Variants in MREG observed in about 807,000 individuals in gnomAD.
The protein encoded by MREG is melanoregulin.
In MREG, 31 loss-of-function variants were observed where a neutral mutation model predicts 28.5. The ratio of observed to expected loss-of-function variants is 1.09; its 90% confidence interval spans 0.82 to 1.47. MREG has a LOEUF of 1.47. MREG is among the 40% of genes most tolerant of loss of function. MREG has a pLI of 0.00. For missense variants in MREG, 256 were observed against 257.4 expected (o/e 0.99, Z 0.04); for synonymous variants, 106 against 95.2 (o/e 1.11, Z -0.66).
At chr2:215,954,507 C>T (rs1016178756) in intron 2 of MREG, among the ~76,000 whole-genome samples, 10 of 140,442 alleles carry the variant, frequency 7.1e-5, no homozygotes, top group Non-Finnish European at 1.4e-4. Context: ...GAGTATTGCT[C>T]AAATGTTATA....
chr2:216,004,450 A>G (rs1366533971), intron 1 of MREG, among the ~76,000 whole-genome samples: 1 of 152,120 alleles, frequency 6.6e-6, no homozygotes, highest in Non-Finnish European at 1.5e-5. Context: ...AGTGCCTAAC[A>G]GGAGAATCAC....
intron 1 of MREG, among the ~76,000 whole-genome samples, chr2:216,000,625 G>T (rs1693992413): frequency 6.6e-6 from 1 of 152,154 alleles, no homozygotes; most frequent in Non-Finnish European, 1.5e-5. Flanking sequence ...TTCCTCTAGG[G>T]CAGGGGTTGT....
intron 1 of MREG, among the ~76,000 whole-genome samples, chr2:216,005,704 C>T (rs560924977): frequency 1.1e-4 from 16 of 152,056 alleles, no homozygotes; most frequent in African/African-American, 3.1e-4. Flanking sequence ...GCACCTGCCT[C>T]GGCCTCCCAA....
intron 2 of MREG, among the ~76,000 whole-genome samples, chr2:215,977,751 G>A (rs1254405298): frequency 1.3e-5 from 2 of 152,142 alleles, no homozygotes; most frequent in South Asian, 2.1e-4. Context: ...CAACTACATG[G>A]AAACTGAACA....
chr2:215,964,345 A>G (rs1392085964), intron 2 of MREG, among the ~76,000 whole-genome samples: 1 of 152,096 alleles, frequency 6.6e-6, no homozygotes, highest in East Asian at 1.9e-4. Flanking sequence ...TTAGCTTGGC[A>G]TGGAGGCACA....
intron 2 of MREG, among the ~76,000 whole-genome samples, chr2:215,960,792 C>A (rs1692762109): frequency 6.6e-6 from 1 of 151,982 alleles, no homozygotes; most frequent in African/African-American, 2.4e-5. Context: ...TGAGATCGGG[C>A]CACTGCACTC....
At chr2:215,956,653 T>A (rs2105975301) in intron 2 of MREG, among the ~76,000 whole-genome samples, 1 of 152,230 alleles carries the variant, frequency 6.6e-6, no homozygotes, top group South Asian at 2.1e-4. Context: ...ATCCTCCTGC[T>A]TCAGCCTCCC....
In MREG at chr2:215,944,887, G is replaced by A; in HGVS notation, c.621C>T (p.His207=). ...PCLADGQKEL[H]YLPFPSP The stretch of plus-strand genomic sequence containing the variant: ...TTTAGGGACTTGGAAACGGAAGGTA[G>A]TGCAGTTCTTTCTGGCCATCTGCCA... The change falls in exon 5 of 5, where the codon CAC becomes CAT. Residue 207 remains histidine, a synonymous_variant. Transcript: ENST00000263268. 3.1e-6 allele frequency: 5 copies of A among 1,604,654 alleles called. No homozygotes were observed. The East Asian group carries it at 6.7e-5, about 22-fold the overall frequency.
chr2:215,998,914 T>TA lies in MREG; in HGVS notation c.96-2450dup, dbSNP rs1553554136. On this transcript the variant is annotated intron_variant, in intron 1 of 4. Transcript: ENST00000263268. ...ATGCAATGAGATCAGTACATTTTTTTAAAAAAAGTCTACACAGATTGTTGT... is the reference window on the plus strand; with the variant it reads ...ATGCAATGAGATCAGTACATTTTTTTAAAAAAAAGTCTACACAGATTGTTGT... Among the ~76,000 whole-genome samples the TA allele has an allele frequency of 6.0e-3, 912 of 151,994 alleles. 9 individuals are homozygous for TA. The highest frequency in any genetic ancestry group is 0.02 in the African/African-American group (845 of 41,430).
intron 1 of MREG, among the ~76,000 whole-genome samples, chr2:216,007,462 C>T (rs568774259): frequency 1.3e-3 from 194 of 150,500 alleles, no homozygotes; most frequent in Non-Finnish European, 2.3e-3. Flanking sequence ...TGGAGTCTCG[C>T]TCTGTCACCC....
In MREG at chr2:215,943,718, G is replaced by A. The variant is rs943528936; in HGVS notation, c.*1145C>T. The A allele has an allele frequency of 6.1e-6, 2 of 329,046 alleles. No individual in the cohort carries two copies. The highest frequency in any genetic ancestry group is 4.4e-5 in the African/African-American group (2 of 45,874). 20.4% of individuals were successfully genotyped at this position (329,046 alleles called of 1,614,324 possible). A position where few individuals can be genotyped will look rare whatever the true frequency, so the allele number is the denominator to read the frequency against. On this transcript the variant is annotated 3_prime_UTR_variant, in exon 5 of 5. Coordinates refer to ENST00000263268, the MANE Select transcript of MREG (RefSeq NM_018000.3). ...TAGCCAGGTGTGGTGGCACGCGCCT[G>A]TAGTTCCAGCTACTCCAGAGGCTGA...
At chr2:216,010,817 C>A (rs1694284385) in intron 1 of MREG, among the ~76,000 whole-genome samples, 1 of 151,420 alleles carries the variant, frequency 6.6e-6, no homozygotes, top group Non-Finnish European at 1.5e-5. Flanking sequence ...AATGATCGGC[C>A]AGGCGCAGTG....
intron 1 of MREG, among the ~76,000 whole-genome samples, chr2:216,021,463 A>T (rs1252969500): frequency 6.6e-6 from 1 of 152,192 alleles, no homozygotes; most frequent in Non-Finnish European, 1.5e-5. Context: ...AAATGAGACA[A>T]ATGAGGAGCT....
intron 2 of MREG, among the ~76,000 whole-genome samples, chr2:215,952,559 T>A (rs993106347): frequency 1.3e-5 from 2 of 152,220 alleles, no homozygotes; most frequent in African/African-American, 4.8e-5. Context: ...AAGTACTTTT[T>A]ATTTCTTATA....
chr2:215,953,773 C>T (rs117308160), intron 2 of MREG, among the ~76,000 whole-genome samples: 67 of 152,300 alleles, frequency 4.4e-4, no homozygotes, highest in Admixed American at 2.5e-3. Flanking sequence ...TGGGTTTAAA[C>T]AACTGGAGTT....
chr2:215,952,308 A>C (rs1021597323), intron 2 of MREG, among the ~76,000 whole-genome samples: 1 of 152,188 alleles, frequency 6.6e-6, no homozygotes, highest in Non-Finnish European at 1.5e-5. Context: ...TTGGAATTCA[A>C]TATGATTTTA....
downstream of MREG, among the ~76,000 whole-genome samples, chr2:215,940,784 A>G (rs572826208): frequency 2.6e-5 from 4 of 152,326 alleles, no homozygotes; most frequent in South Asian, 8.3e-4. Flanking sequence ...ATGCAGTCAC[A>G]ACAAAAGCCT....
At chr2:215,986,781 T>C (rs1416148914) in intron 2 of MREG, among the ~76,000 whole-genome samples, 1 of 152,214 alleles carries the variant, frequency 6.6e-6, no homozygotes, top group African/African-American at 2.4e-5. Context: ...GCCATGATTG[T>C]GAGGCCTCCC....
chr2:216,023,945 G>A (rs1217756431), intron 1 of MREG, among the ~76,000 whole-genome samples: 2 of 152,088 alleles, frequency 1.3e-5, no homozygotes, highest in Admixed American at 1.3e-4. Context: ...TGGGATTACA[G>A]GTGTGAGCCA....
Sources: gnomAD v4.1 joint callset for allele counts (sites outside exome capture counted in the v4.1 genomes callset) on GRCh38, gnomAD v4.1.1 for gene constraint, MANE v1.5 for transcripts, NCBI Gene and HGNC (gene_info 2026-07-23, HGNC 2026-07-21) for gene names.